Variants in RASGRF1 observed in about 807,000 individuals in gnomAD.
RASGRF1 encodes ras-specific guanine nucleotide-releasing factor 1.
Under a neutral mutation model 138.7 loss-of-function variants are expected in RASGRF1, and 40 were observed. The ratio of observed to expected loss-of-function variants is 0.29; its 90% CI spans 0.22 to 0.38. RASGRF1 has a LOEUF of 0.38. Among genes scored for constraint, RASGRF1 ranks in the 10% least tolerant of loss-of-function variants. The pLI, the probability that RASGRF1 is intolerant of heterozygous loss-of-function variation, is 1.00. For missense variants in RASGRF1, 1,108 were observed against 1,650.4 expected (o/e 0.67, Z 5.69); for synonymous variants, 614 against 663.2 (o/e 0.93, Z 1.14).
intron 14 of RASGRF1, chr15:79,005,288 G>A: frequency 1.0e-6 from 1 of 985,906 alleles, no homozygotes; most frequent in Non-Finnish European, 1.2e-6. Flanking sequence ...GGGAGGAATG[G>A]TGAGGTTCCT....
intron 4 of RASGRF1, among the ~76,000 whole-genome samples, chr15:79,047,599 G>C (rs2057372393): frequency 1.3e-5 from 2 of 152,212 alleles, no homozygotes; most frequent in Non-Finnish European, 2.9e-5. Context: ...CGGCTTCTGA[G>C]TCCTAGTGCC....
intron 10 of RASGRF1, among the ~76,000 whole-genome samples, chr15:79,023,809 G>T (rs1276070706): frequency 6.6e-6 from 1 of 152,136 alleles, no homozygotes; most frequent in Middle Eastern, 3.2e-3. Context: ...ACTGGAAGGG[G>T]CTCTGTCAGA....
At chr15:79,044,309 T>C (rs1350095160) in intron 5 of RASGRF1, among the ~76,000 whole-genome samples, 11 of 152,208 alleles carry the variant, frequency 7.2e-5, no homozygotes, top group Admixed American at 7.2e-4. Flanking sequence ...CTCCTCCTCC[T>C]CCTCCTGTAA....
At chr15:79,015,240 C>G in intron 13 of RASGRF1, 87 bp downstream of exon 13, 1 of 1,326,222 alleles carries the variant, frequency 7.5e-7, no homozygotes, top group South Asian at 1.2e-5. Context: ...ACCCCAGTAG[C>G]TGGCTCATCC....
chr15:78,996,589 G>A (rs11633284), intron 19 of RASGRF1, among the ~76,000 whole-genome samples: 21,912 of 152,156 alleles, frequency 0.14, 1,637 homozygotes, highest in Admixed American at 0.16. Context: ...CCAAACCAGG[G>A]CTGCCAACTC....
chr15:78,972,514 G>T (rs978702287), intron 25 of RASGRF1, among the ~76,000 whole-genome samples: 1 of 151,688 alleles, frequency 6.6e-6, no homozygotes, highest in Non-Finnish European at 1.5e-5. Flanking sequence ...TTAATTAGTG[G>T]CATAAGCTAC....
chr15:78,999,253 A>T (rs1005019663), intron 17 of RASGRF1, among the ~76,000 whole-genome samples: 2 of 152,128 alleles, frequency 1.3e-5, no homozygotes, highest in African/African-American at 4.8e-5. Context: ...CTGGCCAAGT[A>T]GCAAAGGGCG....
At chr15:79,076,721 C>CT (rs1370328112) in intron 1 of RASGRF1, among the ~76,000 whole-genome samples, 1 of 152,186 alleles carries the variant, frequency 6.6e-6, no homozygotes, top group Non-Finnish European at 1.5e-5. Flanking sequence ...TATTTTCTCC[C>CT]TGGGTTCCAT....
chr15:79,005,589 T>C (rs2056652726), intron 14 of RASGRF1: 5 of 986,334 alleles, frequency 5.1e-6, no homozygotes, highest in Non-Finnish European at 4.8e-6. Flanking sequence ...CATTGCCCCA[T>C]GACTTTTGAG....
intron 20 of RASGRF1, among the ~76,000 whole-genome samples, chr15:78,994,384 G>A (rs2056345956): frequency 6.6e-6 from 1 of 152,232 alleles, no homozygotes; most frequent in Admixed American, 6.5e-5. Flanking sequence ...GAACATGGGA[G>A]GGGCAGGGGC....
At chr15:78,964,909 G>A (rs916773235) in intron 26 of RASGRF1, among the ~76,000 whole-genome samples, 1 of 151,888 alleles carries the variant, frequency 6.6e-6, no homozygotes, top group South Asian at 2.1e-4. Flanking sequence ...TATACTATTA[G>A]GTTTCACCAT....
chr15:79,074,203 G>T (rs1408387934), intron 1 of RASGRF1, among the ~76,000 whole-genome samples: 1 of 152,226 alleles, frequency 6.6e-6, no homozygotes, highest in Non-Finnish European at 1.5e-5. Flanking sequence ...TAGGGGTATG[G>T]CTGGAATTTA....
intron 26 of RASGRF1, 109 bp downstream of exon 26, chr15:78,971,757 G>C (rs2141597949): frequency 7.5e-6 from 8 of 1,071,988 alleles, no homozygotes; most frequent in Non-Finnish European, 1.2e-5. Context: ...CTGGGCTCGA[G>C]AGAATTCTGG....
intron 26 of RASGRF1, among the ~76,000 whole-genome samples, chr15:78,964,138 G>C (rs920589194): frequency 6.6e-6 from 1 of 151,986 alleles, no homozygotes; most frequent in African/African-American, 2.4e-5. Context: ...TTGCAAAGCA[G>C]TTAATGAAAG....
At chr15:79,086,419 C>T (rs1182006319) in intron 1 of RASGRF1, among the ~76,000 whole-genome samples, 1 of 152,160 alleles carries the variant, frequency 6.6e-6, no homozygotes, top group Non-Finnish European at 1.5e-5. Context: ...ATTGTTTCCT[C>T]ATCTGTAAAA....
At chr15:78,966,677 T>C (rs924663331) in intron 26 of RASGRF1, among the ~76,000 whole-genome samples, 5 of 152,192 alleles carry the variant, frequency 3.3e-5, no homozygotes, top group African/African-American at 1.2e-4. Context: ...CGGTTCATAA[T>C]GAAAACCAGC....
At position 79,065,228 on chromosome 15, in the gene RASGRF1, C is replaced by T. The variant is rs114199898; in HGVS notation, c.277-702G>A. ...CTGTCATGGAGGTAAGAACAAAGGG[C>T]TGTGGGGGCACAGAGAAAGTCACCC... is the stretch of plus-strand genomic sequence containing the variant. On this transcript the variant is annotated intron_variant, in intron 1 of 26. Transcript: ENST00000558480. Among the ~76,000 whole-genome samples the T allele has an allele frequency of 5.8e-3, 886 of 152,302 alleles. 12 individuals carry two copies. Among genetic ancestry groups the T allele is most frequent in the African/African-American group, 0.021 (859 of 41,554 alleles).
intron 13 of RASGRF1, among the ~76,000 whole-genome samples, chr15:79,007,831 G>C (rs2056714432): frequency 6.6e-6 from 1 of 151,224 alleles, no homozygotes; most frequent in Non-Finnish European, 1.5e-5. Flanking sequence ...GGGATGACAG[G>C]TGTGAGCCAC....
At chr15:79,078,992 T>G (rs78080014) in intron 1 of RASGRF1, among the ~76,000 whole-genome samples, 1 of 152,224 alleles carries the variant, frequency 6.6e-6, no homozygotes, top group African/African-American at 2.4e-5. Context: ...AGGAAGTGAC[T>G]GCAACCTCAG....
Sources: allele counts gnomAD v4.1 joint callset (sites outside exome capture counted in the v4.1 genomes callset), GRCh38; gene constraint gnomAD v4.1.1; transcripts MANE v1.5; gene names NCBI Gene and HGNC (gene_info 2026-07-23, HGNC 2026-07-21).